Variants in PCLO observed in about 807,000 individuals in gnomAD.
PCLO encodes protein piccolo.
PCLO carries 82 observed loss-of-function variants against 427.5 expected under a neutral mutation model. That is an observed-to-expected ratio of 0.19 (90% CI 0.16 to 0.23). PCLO has a LOEUF of 0.23. Among genes scored for constraint, PCLO ranks in the 10% least tolerant of loss-of-function variants. PCLO has a pLI of 1.00. For synonymous variants in PCLO, 2,357 were observed against 2,155.4 expected (o/e 1.09, Z -2.59); for missense variants, 6,239 against 6,115.9 (o/e 1.02, Z -0.67).
Position 82,848,991 on chromosome 7 carries a change from C to T in PCLO, c.13655-1744G>A, listed in dbSNP as rs145852762. On this transcript the variant is annotated intron_variant, in intron 10 of 24. Transcript: ENST00000333891. Reference sequence around the variant, plus strand: ...AACAACACTAAATAAAAATATAGCACGCTGAAAGAGGAAAATAAAGCACTT... The same window carrying T: ...AACAACACTAAATAAAAATATAGCATGCTGAAAGAGGAAAATAAAGCACTT... The T allele has an allele frequency of 1.1e-3, 314 of 287,212 alleles. 3 individuals carry two copies. In the East Asian group the frequency reaches 0.017, roughly 16 times the overall value. The allele number at this position is 287,212 out of a possible 1,614,324, so 17.8% of individuals were successfully genotyped here.
At position 82,953,963 on chromosome 7, in the gene PCLO, T is replaced by G; in HGVS notation, c.6990A>C (p.Arg2330=). 6.2e-7 allele frequency: 1 copy of G among 1,613,912 alleles called. No individual in the cohort carries two copies. Among genetic ancestry groups the G allele is most frequent in the Non-Finnish European group, 8.5e-7 (1 of 1,179,856 alleles). ...CGGTTTCGGATAAGCTACTTTTTGT[T>G]CGTTCGGCCTCCAACTCCTTTTTAT... ...YRDKKELEAE[R]TKSSLSETVF... Residue 2330 remains arginine, a synonymous_variant, in exon 5 of 25, where the codon CGA becomes CGC. Transcript: ENST00000333891.
At chr7:83,011,685 C>T (rs747463335) in intron 3 of PCLO, among the ~76,000 whole-genome samples, 5 of 151,824 alleles carry the variant, frequency 3.3e-5, no homozygotes, top group African/African-American at 4.8e-5. Flanking sequence ...TTCTCTTAAA[C>T]TTGACTTCCA....
At chr7:83,125,794 C>G (rs1478640863) in intron 3 of PCLO, among the ~76,000 whole-genome samples, 1 of 152,084 alleles carries the variant, frequency 6.6e-6, no homozygotes, top group Non-Finnish European at 1.5e-5. Flanking sequence ...GACCTTTGTT[C>G]ACATGTTTAT....
chr7:82,784,623 T>C (rs1253689198), intron 22 of PCLO, among the ~76,000 whole-genome samples: 1 of 152,146 alleles, frequency 6.6e-6, no homozygotes, highest in Non-Finnish European at 1.5e-5. Flanking sequence ...CTCATTACCC[T>C]CCCAACCAAA....
intron 16 of PCLO, among the ~76,000 whole-genome samples, chr7:82,832,106 CATT>C (rs1792108450): frequency 6.6e-6 from 1 of 152,032 alleles, no homozygotes; most frequent in African/African-American, 2.4e-5. Flanking sequence ...AATGATTTAA[CATT>C]AGGACAATTA....
intron 14 of PCLO, among the ~76,000 whole-genome samples, chr7:82,840,687 C>A (rs1369405464): frequency 6.6e-6 from 1 of 151,942 alleles, no homozygotes; most frequent in Non-Finnish European, 1.5e-5. Context: ...TTTCTGTTAT[C>A]CTTTGTGAAG....
chr7:82,999,307 AAT>A (rs1047524297), intron 3 of PCLO, among the ~76,000 whole-genome samples: 1 of 141,820 alleles, frequency 7.1e-6, no homozygotes, highest in East Asian at 2.1e-4. Context: ...TTATATATTA[AAT>A]ATATATGGAT....
At chr7:83,102,254 C>A (rs1584027529) in intron 3 of PCLO, among the ~76,000 whole-genome samples, 1 of 142,750 alleles carries the variant, frequency 7.0e-6, no homozygotes, top group African/African-American at 2.6e-5. Context: ...TATCTCATGA[C>A]CTCAAACCTT....
At chr7:83,143,836 T>C (rs1791927985) in intron 2 of PCLO, among the ~76,000 whole-genome samples, 2 of 152,164 alleles carry the variant, frequency 1.3e-5, no homozygotes, top group African/African-American at 4.8e-5. Flanking sequence ...AATTCAAACT[T>C]TTACACCTCA....
intron 2 of PCLO, among the ~76,000 whole-genome samples, chr7:83,144,032 T>C (rs1791932191): frequency 1.3e-5 from 2 of 152,378 alleles, no homozygotes; most frequent in South Asian, 4.1e-4. Context: ...ACTCATTCTA[T>C]ATGCTGAAAG....
chr7:83,029,336 T>G (rs1788596196), intron 3 of PCLO, among the ~76,000 whole-genome samples: 2 of 151,354 alleles, frequency 1.3e-5, no homozygotes, highest in Non-Finnish European at 2.9e-5. Flanking sequence ...AAGACATTTA[T>G]GCAGCAAAAA....
chr7:82,775,540 A>G lies in PCLO; in HGVS notation c.15008-14047T>C, dbSNP rs11977719. Among the ~76,000 whole-genome samples, 188 of 152,274 alleles carry G rather than the reference A, an allele frequency of 1.2e-3. 1 individual carries two copies. Among genetic ancestry groups the G allele is most frequent in the African/African-American group, 4.3e-3 (178 of 41,558 alleles). On this transcript the variant is annotated intron_variant, in intron 22 of 24. Coordinates refer to ENST00000333891, the MANE Select transcript of PCLO (RefSeq NM_033026.6). ...ATTTGCCATCTATACATTTTTGGTAAGGTGTCTGTTAAGGTCTTTGGCTCA... is the reference window on the plus strand; with the variant it reads ...ATTTGCCATCTATACATTTTTGGTAGGGTGTCTGTTAAGGTCTTTGGCTCA...
chr7:83,126,754 G>C lies in PCLO; in HGVS notation c.3300+7496C>G, dbSNP rs909075330. ...AGGTATAAAAAGGAAATTTTTAAGA[G>C]GAGAAATATAACTGATTAATAAACT... On this transcript the variant is annotated intron_variant, in intron 3 of 24. Coordinates refer to ENST00000333891, the MANE Select transcript of PCLO (RefSeq NM_033026.6). 1.3e-4 allele frequency among the ~76,000 whole-genome samples: 20 copies of C among 152,006 alleles called. 1 individual carries two copies. The South Asian group carries it at 3.3e-3, about 25-fold the overall frequency.
intron 3 of PCLO, among the ~76,000 whole-genome samples, chr7:83,022,946 T>C (rs946751070): frequency 2.6e-5 from 4 of 152,212 alleles, no homozygotes; most frequent in Non-Finnish European, 2.9e-5. Flanking sequence ...CTGTTTTTAT[T>C]TGATGTGAGA....
In PCLO at chr7:82,756,715, G is replaced by A. The variant is rs570346044; in HGVS notation, c.*1860C>T. ...ACTTCACCCTTAAATAAAGCAGCAG[G>A]TTTTAAGCTCAGAATGCTCTGAGAA... On this transcript the variant is annotated 3_prime_UTR_variant, in exon 25 of 25. Coordinates refer to ENST00000333891, the MANE Select transcript of PCLO (RefSeq NM_033026.6). 3 of 151,978 alleles carry A rather than the reference G, an allele frequency of 2.0e-5. No individual in the cohort carries two copies. The highest frequency in any genetic ancestry group is 3.4e-3 in the Middle Eastern group (1 of 294). 9.4% of individuals were successfully genotyped at this position (151,978 alleles called of 1,614,324 possible).
chr7:82,831,835 T>C (rs1241656219), intron 16 of PCLO, among the ~76,000 whole-genome samples: 1 of 152,170 alleles, frequency 6.6e-6, no homozygotes, highest in Non-Finnish European at 1.5e-5. Flanking sequence ...CACAAAGCCA[T>C]TCTTCAATAA....
chr7:83,116,825 TCCA>T (rs1423018470), intron 3 of PCLO, among the ~76,000 whole-genome samples: 4 of 152,178 alleles, frequency 2.6e-5, no homozygotes, highest in Non-Finnish European at 4.4e-5. Flanking sequence ...CATCCTACTC[TCCA>T]CTTCTGTGAT....
chr7:82,999,664 AATATAAAATATATTAT>A lies in PCLO; in HGVS notation c.3301-33193_3301-33178del, dbSNP rs1334326762. Among the ~76,000 whole-genome samples, 4 of 55,216 alleles carry A rather than the reference AATATAAAATATATTAT, an allele frequency of 7.2e-5. 1 individual carries two copies. The highest frequency in any genetic ancestry group is 1.4e-3 in the South Asian group (2 of 1,468). The allele number at this position is 55,216 out of a possible 152,430, so 36.2% of individuals were successfully genotyped here. On this transcript the variant is annotated intron_variant, in intron 3 of 24. Transcript: ENST00000333891. ...ATATAAAATATAATATTATATATAA[AATATAAAATATATTAT>A]ATATAAAATAATATATAATATTAAA...
In PCLO at chr7:82,949,886, G is replaced by A; in HGVS notation, c.10702C>T (p.Gln3568Ter). The A allele has an allele frequency of 6.2e-7, 1 of 1,613,668 alleles. No individual in the cohort carries two copies. Residue 3568 changes from glutamine (Q) to a stop codon, truncating the protein, a stop_gained, in exon 6 of 25, where the codon CAA (glutamine) becomes TAA (stop). Coordinates refer to ENST00000333891, the MANE Select transcript of PCLO (RefSeq NM_033026.6). LOFTEE classifies it high-confidence loss of function. Reference sequence around the variant, plus strand: ...TGTGTGTCTGAATCTGCTTCTGTTTGACATCCTAAACTGCCCCCTTTGTAA... The same window carrying A: ...TGTGTGTCTGAATCTGCTTCTGTTTAACATCCTAAACTGCCCCCTTTGTAA... ...KTYKGGSLGC[Q>*]TEADSDTQSP...
Sources: allele counts gnomAD v4.1 joint callset (sites outside exome capture counted in the v4.1 genomes callset), GRCh38; gene constraint gnomAD v4.1.1; transcripts MANE v1.5; gene names NCBI Gene and HGNC (gene_info 2026-07-23, HGNC 2026-07-21).